The following CHST8 variants were observed in gnomAD, a reference collection of about 807,000 sequenced individuals.
CHST8 encodes carbohydrate sulfotransferase 8.
In CHST8, 10 loss-of-function variants were observed where a neutral mutation model predicts 15.0. The ratio of observed to expected loss-of-function variants is 0.67; its 90% confidence interval spans 0.41 to 1.13. The LOEUF is 1.13. Ranked by LOEUF, CHST8 falls within the 50% of genes most tolerant of loss-of-function variation. CHST8 has a pLI of 0.00. For missense variants in CHST8, 634 were observed against 608.2 expected, an observed-to-expected ratio of 1.04 and a Z score of -0.45; for synonymous variants, 259 against 256.6, an observed-to-expected ratio of 1.01 and a Z score of -0.09.
chr19:33,643,104 A>G (rs1215428365), intron 1 of CHST8, among the ~76,000 whole-genome samples: 1 of 152,196 alleles, frequency 6.6e-6, no homozygotes. Flanking sequence ...AAATTCCTAG[A>G]AGTGGAATAG....
chr19:33,705,033 T>C (rs146596803), intron 3 of CHST8, among the ~76,000 whole-genome samples: 10 of 152,300 alleles, frequency 6.6e-5, no homozygotes, highest in East Asian at 5.8e-4. Context: ...GTTTGGCACC[T>C]ACTGTTGGTT....
chr19:33,717,511 A>C (rs964521863), intron 3 of CHST8, among the ~76,000 whole-genome samples: 2 of 152,164 alleles, frequency 1.3e-5, no homozygotes, highest in Admixed American at 6.5e-5. Flanking sequence ...GGCAGACTCA[A>C]GAGTCGTGTG....
rs1568359183 is a variant in CHST8, at chr19:33,757,604, GA to G, written c.131-13808del. The stretch of plus-strand genomic sequence containing the variant: ...AGAAAGAAAGAAAGAAAGAAAGAAA[GA>G]GCCGGCCATTCAGAAGGGAGCAGAA... On this transcript the variant is annotated intron_variant, in intron 3 of 4. Transcript: ENST00000650847. Among the ~76,000 whole-genome samples, 60 of 138,654 alleles carry G rather than the reference GA, an allele frequency of 4.3e-4. 4 individuals are homozygous for G. Among genetic ancestry groups the G allele is most frequent in the African/African-American group, 1.4e-3 (54 of 38,312 alleles). 91.0% of individuals were successfully genotyped at this position (138,654 alleles called of 152,430 possible). A position where few individuals can be genotyped will look rare whatever the true frequency, so the allele number is the denominator to read the frequency against.
intron 3 of CHST8, among the ~76,000 whole-genome samples, chr19:33,692,202 C>T (rs1013240796): frequency 3.3e-5 from 5 of 152,114 alleles, no homozygotes; most frequent in Non-Finnish European, 7.4e-5. Flanking sequence ...GAAGAGCTAC[C>T]CAGTAAGCTA....
chr19:33,730,702 G>A (rs1187745509), intron 3 of CHST8, among the ~76,000 whole-genome samples: 1 of 152,194 alleles, frequency 6.6e-6, no homozygotes, highest in African/African-American at 2.4e-5. Context: ...TGTATGAGGG[G>A]GAGTTTATTA....
At chr19:33,668,987 C>T (rs1283673696) in intron 2 of CHST8, among the ~76,000 whole-genome samples, 3 of 152,218 alleles carry the variant, frequency 2.0e-5, no homozygotes, top group South Asian at 4.1e-4. Context: ...CCTCGGGAAA[C>T]GTATTTGTGT....
Position 33,740,318 on chromosome 19 carries a change from A to G in CHST8, c.131-31095A>G, listed in dbSNP as rs999830545. On this transcript the variant is annotated intron_variant, in intron 3 of 4. Coordinates refer to ENST00000650847, the MANE Select transcript of CHST8 (RefSeq NM_001127895.2). ...AGGGACCTTTCTCAAGGCTGTGGGC[A>G]TCGGTTTGCAGAACCGTGTCATGGA... is the stretch of plus-strand genomic sequence containing the variant. 4.6e-5 allele frequency among the ~76,000 whole-genome samples: 7 copies of G among 152,316 alleles called. No homozygotes were observed. The East Asian group carries it at 1.2e-3, about 25-fold the overall frequency.
chr19:33,724,867 C>T (rs1219604509), intron 3 of CHST8, among the ~76,000 whole-genome samples: 1 of 152,166 alleles, frequency 6.6e-6, no homozygotes, highest in Non-Finnish European at 1.5e-5. Context: ...TGGACTGTGG[C>T]CCAGAGTGGG....
intron 3 of CHST8, among the ~76,000 whole-genome samples, chr19:33,738,015 C>A (rs1974118022): frequency 6.6e-6 from 1 of 152,156 alleles, no homozygotes; most frequent in South Asian, 2.1e-4. Context: ...GTGCTTTCCA[C>A]CCTACACTGA....
At chr19:33,697,484 G>A (rs531696705) in intron 3 of CHST8, among the ~76,000 whole-genome samples, 2 of 152,002 alleles carry the variant, frequency 1.3e-5, no homozygotes, top group Non-Finnish European at 2.9e-5. Context: ...CACCTGCCTC[G>A]TGCTCCCAAA....
rs1974612746 is a variant in CHST8 at position 33,757,525 on chromosome 19, AAAG to A, written c.131-13885_131-13883del. 7.7e-5 allele frequency among the ~76,000 whole-genome samples: 2 copies of A among 26,086 alleles called. 1 individual carries two copies. Among genetic ancestry groups the A allele is most frequent in the African/African-American group, 3.2e-4 (2 of 6,214 alleles). The allele number at this position is 26,086 out of a possible 152,430, so 17.1% of individuals were successfully genotyped here. ...AAGAAAGAAAGAAAGAAAGAAAGAG[AAAG>A]AAAGAAAGAAAGAAAGAAAGAAAGA... On this transcript the variant is annotated intron_variant, in intron 3 of 4. Transcript: ENST00000650847.
chr19:33,707,064 A>G (rs1043090112), intron 3 of CHST8, among the ~76,000 whole-genome samples: 2 of 152,164 alleles, frequency 1.3e-5, no homozygotes, highest in Non-Finnish European at 2.9e-5. Flanking sequence ...CCAAGCAGGT[A>G]TTTTAGCAGT....
Position 33,689,379 on chromosome 19 carries a change from C to G in CHST8, c.118C>G (p.Gln40Glu). The change falls in exon 3 of 5, where the codon CAG (glutamine) becomes GAG (glutamate). Residue 40 changes from glutamine (Q) to glutamate (E), a missense_variant. By Grantham distance (29) the Gln-to-Glu change is conservative (BLOSUM62 2). Transcript: ENST00000650847. The stretch of plus-strand genomic sequence containing the variant: ...GCAGGACCCTACGGAGCTCGCCCCC[C>G]AGCAGGTGCCAGGTGAGTCCTTGCG... ...SLQDPTELAP[Q>E]QVPGIKFNIR... is the part of the protein sequence containing the mutation. The G allele has an allele frequency of 6.3e-7, 1 of 1,595,954 alleles. No individual in the cohort carries two copies. Among genetic ancestry groups the G allele is most frequent in the Non-Finnish European group, 8.5e-7 (1 of 1,173,730 alleles).
intron 3 of CHST8, among the ~76,000 whole-genome samples, chr19:33,719,117 C>T (rs1599581562): frequency 6.6e-6 from 1 of 152,098 alleles, no homozygotes; most frequent in South Asian, 2.1e-4. Flanking sequence ...AAAGACCAGG[C>T]GAACTCAGGC....
chr19:33,725,762 G>C (rs1973883735), intron 3 of CHST8, among the ~76,000 whole-genome samples: 2 of 152,226 alleles, frequency 1.3e-5, no homozygotes, highest in African/African-American at 4.8e-5. Flanking sequence ...TTCAGCCTCG[G>C]CCAGCCCCTT....
At chr19:33,685,514 C>T (rs1195525688) in intron 2 of CHST8, among the ~76,000 whole-genome samples, 1 of 146,880 alleles carries the variant, frequency 6.8e-6, no homozygotes, top group Non-Finnish European at 1.5e-5. Flanking sequence ...CTTCTCTGCC[C>T]CTGGAAGGCT....
chr19:33,772,005 G>C lies in CHST8; in HGVS notation c.217G>C (p.Glu73Gln). 6.2e-7 allele frequency: 1 copy of C among 1,602,552 alleles called. No homozygotes were observed. The highest frequency in any genetic ancestry group is 8.5e-7 in the Non-Finnish European group (1 of 1,176,048). Reference protein sequence around the residue: ...SQDGDLKEPTERVTRDLSSGA... With the variant: ...SQDGDLKEPTQRVTRDLSSGA... ...GGATGGTGACTTGAAGGAACCCACA[G>C]AGAGGGTCACTCGGGACTTATCCAG... Residue 73 changes from glutamate (E) to glutamine (Q), a missense_variant, in exon 5 of 5, where the codon GAG becomes CAG. Physicochemically the swap from Glu to Gln is conservative, Grantham distance 29. Coordinates refer to ENST00000650847, the MANE Select transcript of CHST8 (RefSeq NM_001127895.2).
chr19:33,731,250 A>T (rs1973987592), intron 3 of CHST8, among the ~76,000 whole-genome samples: 1 of 152,338 alleles, frequency 6.6e-6, no homozygotes, highest in South Asian at 2.1e-4. Flanking sequence ...GGGCTGCTGG[A>T]CTAAGGATAC....
intron 3 of CHST8, among the ~76,000 whole-genome samples, chr19:33,697,264 CTGTCACCCAGGCTACAG>C (rs371828135): frequency 6.6e-6 from 1 of 152,144 alleles, no homozygotes; most frequent in African/African-American, 2.4e-5. Context: ...GAGTCTCACT[CTGTCACCCAGGCTACAG>C]TGCAGTGGTG....
Sources: allele counts gnomAD v4.1 joint callset (sites outside exome capture counted in the v4.1 genomes callset), GRCh38; gene constraint gnomAD v4.1.1; transcripts MANE v1.5; gene names NCBI Gene and HGNC (gene_info 2026-07-23, HGNC 2026-07-21).